Variants in SP140 observed in about 807,000 individuals in gnomAD.
SP140 encodes nuclear body protein SP140.
SP140 carries 81 observed loss-of-function variants against 125.0 expected under a neutral mutation model. The observed-to-expected ratio is 0.65, with a 90% CI of 0.54 to 0.78. The LOEUF is 0.78. Among genes scored for constraint, SP140 ranks in the 30% least tolerant of loss-of-function variants. The probability of loss-of-function intolerance (pLI) is 0.00; values close to 1 mark genes in which losing one functional copy is unlikely to be tolerated. For synonymous variants in SP140, 312 were observed against 354.0 expected, an observed-to-expected ratio of 0.88 and a Z score of 1.33; for missense variants, 858 against 1,037.0, an observed-to-expected ratio of 0.83 and a Z score of 2.37.
At chr2:230,302,985 T>C (rs1409398916) in intron 22 of SP140, among the ~76,000 whole-genome samples, 1 of 151,906 alleles carries the variant, frequency 6.6e-6, no homozygotes, top group Non-Finnish European at 1.5e-5. Context: ...ACAATCTAAG[T>C]TCACACCTGA....
chr2:230,295,739 A>T lies in SP140; in HGVS notation c.2016+1421A>T, dbSNP rs572462296. 1.1e-3 allele frequency among the ~76,000 whole-genome samples: 168 copies of T among 152,340 alleles called. 4 individuals are homozygous for T. The highest frequency in any genetic ancestry group is 0.011 in the Admixed American group (166 of 15,306). ...CCACATGATAGCATCTCTGCTCATG[A>T]CAAGGGCCACATAGACCTTTTGGTG... On this transcript the variant is annotated intron_variant, in intron 21 of 26. Coordinates refer to ENST00000392045, the MANE Select transcript of SP140 (RefSeq NM_007237.5).
intron 12 of SP140, 74 bp downstream of exon 12, chr2:230,255,606 C>T: frequency 7.2e-7 from 1 of 1,384,940 alleles, no homozygotes; most frequent in South Asian, 1.2e-5. Context: ...CTCGTGTTTC[C>T]TGATTGACTT....
upstream of SP140, chr2:230,202,585 A>T (rs1333295135): frequency 8.7e-6 from 14 of 1,614,010 alleles, no homozygotes; most frequent in Non-Finnish European, 8.5e-7. Context: ...TTACCCTCTG[A>T]TCTCGACTTT....
chr2:230,213,138 T>A, intron 1 of SP140: 1 of 1,055,278 alleles, frequency 9.5e-7, no homozygotes, highest in Non-Finnish European at 1.5e-6. Context: ...GAGCTATTCA[T>A]TGTCCCCCAG....
the SP140 span, among the ~76,000 whole-genome samples, chr2:230,188,382 T>A: frequency 6.6e-6 from 1 of 152,106 alleles, no homozygotes; most frequent in Non-Finnish European, 1.5e-5. Flanking sequence ...AATCTAGGAG[T>A]CTTCTGAAGG....
intron 1 of SP140, among the ~76,000 whole-genome samples, chr2:230,228,689 T>C (rs2046813159): frequency 6.6e-6 from 1 of 152,234 alleles, no homozygotes; most frequent in Non-Finnish European, 1.5e-5. Context: ...CTTCTTTGTC[T>C]GAAATTGATA....
chr2:230,239,060 G>A, intron 3 of SP140: 1 of 1,399,914 alleles, frequency 7.1e-7, no homozygotes, highest in Non-Finnish European at 9.3e-7. Flanking sequence ...AAGGAATAAA[G>A]GGCATTTAAA....
rs965603804 is a variant in SP140, at chr2:230,242,941, C to T, written c.491-790C>T. ...ATCAAATGTGTTATTTGCACTTCAA[C>T]TAGATGGGATATTTTAAAGTGCACA... On this transcript the variant is annotated intron_variant, in intron 4 of 26. Transcript: ENST00000392045. Among the ~76,000 whole-genome samples the T allele has an allele frequency of 9.2e-5, 14 of 152,128 alleles. 1 individual carries two copies. The highest frequency in any genetic ancestry group is 3.4e-4 in the African/African-American group (14 of 41,420).
chr2:230,294,857 C>A (rs2057524309), intron 21 of SP140, among the ~76,000 whole-genome samples: 1 of 152,166 alleles, frequency 6.6e-6, no homozygotes, highest in South Asian at 2.1e-4. Flanking sequence ...TTCTCTTTCA[C>A]CTTCCAAAAA....
In SP140 at chr2:230,296,619, G is replaced by A. The variant is rs111649843; in HGVS notation, c.2017-802G>A. On this transcript the variant is annotated intron_variant, in intron 21 of 26. Coordinates refer to ENST00000392045, the MANE Select transcript of SP140 (RefSeq NM_007237.5). ...TTGGAGGCATTTTATCACCAGGGCT[G>A]TGTCCCTAGGGGAGCTGCAGAAAGC... is the stretch of plus-strand genomic sequence containing the variant. Among the ~76,000 whole-genome samples the A allele has an allele frequency of 2.0e-3, 298 of 152,332 alleles. 4 individuals are homozygous for A. Among genetic ancestry groups the A allele is most frequent in the African/African-American group, 6.8e-3 (283 of 41,580 alleles).
chr2:230,210,533 G>A (rs1161604590), intron 1 of SP140, among the ~76,000 whole-genome samples: 3 of 152,196 alleles, frequency 2.0e-5, no homozygotes, highest in African/African-American at 7.2e-5. Flanking sequence ...ATTTTACTTG[G>A]AGAAATAGTG....
intron 26 of SP140, 68 bp from the exon 27 acceptor site, chr2:230,312,518 C>A: frequency 2.0e-6 from 2 of 1,012,272 alleles, no homozygotes; most frequent in Non-Finnish European, 3.0e-6. Context: ...CCTGATCATT[C>A]TCAGTTGAAA....
intron 3 of SP140, chr2:230,238,582 C>A: frequency 1.3e-6 from 1 of 743,654 alleles, no homozygotes; most frequent in Non-Finnish European, 2.2e-6. Flanking sequence ...CAGACGTTAA[C>A]CAAGTAATCC....
intron 1 of SP140, among the ~76,000 whole-genome samples, chr2:230,208,885 G>T (rs571566028): frequency 2.0e-5 from 3 of 152,282 alleles, no homozygotes; most frequent in Non-Finnish European, 4.4e-5. Flanking sequence ...AATGGCAATA[G>T]ATTACTGAAA....
At chr2:230,293,432 A>T (rs1172225426) in intron 20 of SP140, among the ~76,000 whole-genome samples, 1 of 152,100 alleles carries the variant, frequency 6.6e-6, no homozygotes, top group Non-Finnish European at 1.5e-5. Flanking sequence ...CACCTCCCAG[A>T]TTCAAGTGAT....
chr2:230,206,269 A>G (rs541222152), intron 1 of SP140, among the ~76,000 whole-genome samples: 2 of 152,014 alleles, frequency 1.3e-5, no homozygotes, highest in East Asian at 3.9e-4. Context: ...TCCTGCCTCC[A>G]TCACCAAAAT....
intron 14 of SP140, 131 bp from the exon 15 acceptor site, chr2:230,270,455 C>A: frequency 2.1e-6 from 2 of 972,704 alleles, no homozygotes; most frequent in East Asian, 2.6e-5. Context: ...TTTGGTTCCC[C>A]TAGAAGAAAG....
intron 1 of SP140, among the ~76,000 whole-genome samples, chr2:230,227,051 T>C (rs1259477326): frequency 1.3e-5 from 2 of 152,120 alleles, no homozygotes; most frequent in Non-Finnish European, 2.9e-5. Context: ...GACTTGAGCA[T>C]CCATGGATTT....
intron 1 of SP140, chr2:230,230,482 A>G (rs1191824955): frequency 6.6e-6 from 1 of 152,210 alleles, no homozygotes. Flanking sequence ...CTTGTATCCA[A>G]TTTGTTAGTT....
Sources: allele counts gnomAD v4.1 joint callset (sites outside exome capture counted in the v4.1 genomes callset), GRCh38; gene constraint gnomAD v4.1.1; transcripts MANE v1.5; gene names NCBI Gene and HGNC (gene_info 2026-07-23, HGNC 2026-07-21).